Variants in FSTL5 observed in about 807,000 individuals in gnomAD.
The protein encoded by FSTL5 is follistatin-related protein 5.
FSTL5 carries 62 observed loss-of-function variants against 89.1 expected under a neutral mutation model. The observed-to-expected ratio is 0.70, with a 90% confidence interval of 0.57 to 0.86. The LOEUF is 0.86. Among genes scored for constraint, FSTL5 ranks in the 40% least tolerant of loss-of-function variants. FSTL5 has a pLI of 0.00. For synonymous variants in FSTL5, 383 were observed against 346.2 expected, an observed-to-expected ratio of 1.11 and a Z score of -1.18; for missense variants, 1,057 against 1,001.6, an observed-to-expected ratio of 1.06 and a Z score of -0.75.
At chr4:161,473,341 A>G (rs1473464798) in intron 13 of FSTL5, among the ~76,000 whole-genome samples, 1 of 151,816 alleles carries the variant, frequency 6.6e-6, no homozygotes, top group Non-Finnish European at 1.5e-5. Context: ...AACTATATGA[A>G]TGTTTATAAT....
chr4:161,800,763 TA>T (rs1308926982), intron 4 of FSTL5, among the ~76,000 whole-genome samples: 2 of 151,626 alleles, frequency 1.3e-5, no homozygotes, highest in African/African-American at 4.8e-5. Flanking sequence ...AAATGTGAAC[TA>T]AAAACTGTGT....
chr4:161,970,582 A>G (rs1735455000), intron 3 of FSTL5, among the ~76,000 whole-genome samples: 1 of 152,124 alleles, frequency 6.6e-6, no homozygotes, highest in South Asian at 2.1e-4. Flanking sequence ...TTGAACTAAG[A>G]GAAAAAAGTA....
chr4:161,731,427 A>T (rs1739607540), intron 6 of FSTL5, among the ~76,000 whole-genome samples: 1 of 151,964 alleles, frequency 6.6e-6, no homozygotes, highest in Non-Finnish European at 1.5e-5. Context: ...TGTTCTCATG[A>T]TAGTGGGTGA....
At chr4:162,148,952 A>G (rs1733117260) in intron 1 of FSTL5, among the ~76,000 whole-genome samples, 1 of 152,204 alleles carries the variant, frequency 6.6e-6, no homozygotes, top group East Asian at 1.9e-4. Context: ...CAAGCAATCA[A>G]TCAAACAAAA....
At chr4:161,993,313 G>A (rs764763770) in intron 3 of FSTL5, among the ~76,000 whole-genome samples, 27 of 151,628 alleles carry the variant, frequency 1.8e-4, no homozygotes, top group Non-Finnish European at 3.2e-4. Flanking sequence ...ATAATGACAA[G>A]ATCAACTAAG....
intron 4 of FSTL5, among the ~76,000 whole-genome samples, chr4:161,860,874 T>C (rs1044571162): frequency 2.6e-5 from 4 of 152,018 alleles, no homozygotes; most frequent in African/African-American, 7.3e-5. Context: ...TGGACAAGTA[T>C]TACTTCTCTC....
intron 3 of FSTL5, among the ~76,000 whole-genome samples, chr4:161,967,954 C>T (rs1735374138): frequency 6.6e-6 from 1 of 151,758 alleles, no homozygotes; most frequent in African/African-American, 2.4e-5. Flanking sequence ...AGGAGTTTGC[C>T]TTTAACATCT....
chr4:161,795,272 C>A (rs1481592305), intron 4 of FSTL5, among the ~76,000 whole-genome samples: 2 of 152,104 alleles, frequency 1.3e-5, no homozygotes, highest in South Asian at 2.1e-4. Context: ...TTTCATCTGA[C>A]AATTCTTGTT....
At chr4:161,431,799 A>G (rs889933146) in intron 15 of FSTL5, among the ~76,000 whole-genome samples, 3 of 152,142 alleles carry the variant, frequency 2.0e-5, no homozygotes, top group Middle Eastern at 3.2e-3. Flanking sequence ...GGAAACCAAT[A>G]AAAGAACAGC....
chr4:161,511,319 T>C, intron 10 of FSTL5, among the ~76,000 whole-genome samples: 1 of 152,174 alleles, frequency 6.6e-6, no homozygotes, highest in East Asian at 1.9e-4. Context: ...ACTCCTCACC[T>C]ACGGCTGAAG....
intron 6 of FSTL5, among the ~76,000 whole-genome samples, chr4:161,681,735 A>C (rs1332179667): frequency 6.6e-6 from 1 of 152,130 alleles, no homozygotes; most frequent in African/African-American, 2.4e-5. Flanking sequence ...TCTCACCTAA[A>C]TTTAATTTAA....
intron 6 of FSTL5, among the ~76,000 whole-genome samples, chr4:161,734,360 G>A (rs1326690981): frequency 6.6e-6 from 1 of 152,106 alleles, no homozygotes; most frequent in Admixed American, 6.6e-5. Flanking sequence ...ACACCACATT[G>A]AAGCAATATT....
intron 7 of FSTL5, among the ~76,000 whole-genome samples, chr4:161,606,048 A>G (rs1734427487): frequency 6.7e-6 from 1 of 149,354 alleles, no homozygotes; most frequent in South Asian, 2.1e-4. Flanking sequence ...GCTTACTGGA[A>G]GATGAGACAC....
chr4:161,643,213 T>A (rs997656739), intron 7 of FSTL5, among the ~76,000 whole-genome samples: 5 of 152,182 alleles, frequency 3.3e-5, no homozygotes, highest in African/African-American at 1.2e-4. Flanking sequence ...CCAAGCCCAT[T>A]CTTGTTCCAC....
chr4:161,422,103 A>ATAT (rs34927086), intron 15 of FSTL5, among the ~76,000 whole-genome samples: 24,418 of 151,894 alleles, frequency 0.16, 2,205 homozygotes, highest in South Asian at 0.23. Context: ...TTTATTATGT[A>ATAT]TATTATATAG....
At chr4:161,409,929 C>T (rs1178750327) in intron 15 of FSTL5, among the ~76,000 whole-genome samples, 1 of 152,138 alleles carries the variant, frequency 6.6e-6, no homozygotes, top group African/African-American at 2.4e-5. Context: ...ACTTAAAAGA[C>T]ACAGAGTAGC....
intron 15 of FSTL5, among the ~76,000 whole-genome samples, chr4:161,421,844 T>C (rs915126453): frequency 1.3e-5 from 2 of 152,166 alleles, no homozygotes; most frequent in African/African-American, 2.4e-5. Context: ...CTCAAATCTT[T>C]AGAAAATGGC....
intron 6 of FSTL5, among the ~76,000 whole-genome samples, chr4:161,692,690 G>A (rs1029561429): frequency 8.6e-5 from 13 of 151,966 alleles, no homozygotes; most frequent in Middle Eastern, 3.4e-3. Context: ...GGGACCTCAG[G>A]GAAAATCAAC....
chr4:161,564,591 T>C lies in FSTL5; in HGVS notation c.1016-21898A>G, dbSNP rs548512714. On this transcript the variant is annotated intron_variant, in intron 8 of 15. Transcript: ENST00000306100. ...ATTTACTATTTCCTTGACATAGTAA[T>C]GTATCACCTGTAAATATTCACTTTC... 3.3e-5 allele frequency among the ~76,000 whole-genome samples: 5 copies of C among 151,738 alleles called. No individual in the cohort carries two copies. The South Asian group carries it at 1.0e-3, about 31-fold the overall frequency.
Sources: allele counts gnomAD v4.1 joint callset (sites outside exome capture counted in the v4.1 genomes callset), GRCh38; gene constraint gnomAD v4.1.1; transcripts MANE v1.5; gene names NCBI Gene and HGNC (gene_info 2026-07-23, HGNC 2026-07-21).